The following SPECC1L variants were observed in gnomAD, a reference collection of about 807,000 sequenced individuals.
SPECC1L encodes the protein cytospin-A.
A neutral mutation model predicts 116.8 loss-of-function variants in SPECC1L; 40 were observed. The observed-to-expected ratio is 0.34, with a 90% CI of 0.27 to 0.45. The LOEUF is 0.45. Among genes scored for constraint, SPECC1L ranks in the 20% least tolerant of loss-of-function variants. SPECC1L has a pLI of 1.00. For synonymous variants in SPECC1L, 504 were observed against 500.6 expected, an observed-to-expected ratio of 1.01 and a Z score of -0.09; for missense variants, 1,110 against 1,373.6, an observed-to-expected ratio of 0.81 and a Z score of 3.03.
At chr22:24,353,349 G>C (rs1245078539) in intron 11 of SPECC1L, among the ~76,000 whole-genome samples, 2 of 152,202 alleles carry the variant, frequency 1.3e-5, no homozygotes, top group African/African-American at 2.4e-5. Context: ...AAGAATACTT[G>C]TCAGTTATTT....
intron 2 of SPECC1L, 38 bp from the exon 3 acceptor site, chr22:24,302,157 A>G (rs2049394139): frequency 6.8e-7 from 1 of 1,470,522 alleles, no homozygotes; most frequent in East Asian, 2.3e-5. Context: ...GCTTCCTTCC[A>G]GTTATGTTCT....
At chr22:24,272,146 C>G (rs954722434) in intron 1 of SPECC1L, among the ~76,000 whole-genome samples, 9 of 152,168 alleles carry the variant, frequency 5.9e-5, no homozygotes, top group Admixed American at 5.2e-4. Context: ...TTTGGGAGGC[C>G]GGGGCGGGCG....
chr22:24,283,948 C>G (rs535509725), intron 2 of SPECC1L, among the ~76,000 whole-genome samples: 1 of 152,214 alleles, frequency 6.6e-6, no homozygotes, highest in East Asian at 1.9e-4. Flanking sequence ...GTGTTGTTAC[C>G]CTTTCCATTC....
intron 13 of SPECC1L, among the ~76,000 whole-genome samples, chr22:24,366,256 G>A (rs1031745020): frequency 5.3e-5 from 8 of 151,864 alleles, no homozygotes; most frequent in Admixed American, 5.2e-4. Context: ...GCAGTGGCGC[G>A]ATCTCGGCTC....
At chr22:24,334,376 T>G (rs1281664448) in intron 8 of SPECC1L, 34 bp from the exon 9 acceptor site, 1 of 1,611,114 alleles carries the variant, frequency 6.2e-7, no homozygotes, top group Non-Finnish European at 8.5e-7. Flanking sequence ...CTAGTACCTA[T>G]GTAAAAATGC....
intron 14 of SPECC1L, among the ~76,000 whole-genome samples, chr22:24,397,409 C>T (rs954759757): frequency 6.6e-6 from 1 of 152,172 alleles, no homozygotes; most frequent in African/African-American, 2.4e-5. Context: ...AGACTAAATG[C>T]ACTGCCTGTG....
At chr22:24,339,991 C>G (rs2041139565) in intron 10 of SPECC1L, among the ~76,000 whole-genome samples, 1 of 152,044 alleles carries the variant, frequency 6.6e-6, no homozygotes, top group African/African-American at 2.4e-5. Flanking sequence ...TGCCACGTTG[C>G]CCAGGCTGGT....
rs1056492274 is a variant in SPECC1L, at chr22:24,416,280, G to C, written c.*1657G>C. On this transcript the variant is annotated 3_prime_UTR_variant, in exon 17 of 17. Coordinates refer to ENST00000314328, the MANE Select transcript of SPECC1L (RefSeq NM_015330.6). ...AGATGTCAGCCTGGGAGCTCAGGCT[G>C]CTGCCGCTGGCTGGATGCCCTTTGG... 1 of 152,262 alleles carries C rather than the reference G, an allele frequency of 6.6e-6. No homozygotes were observed. Among genetic ancestry groups the C allele is most frequent in the Admixed American group, 6.5e-5 (1 of 15,290 alleles). 9.4% of individuals were successfully genotyped at this position (152,262 alleles called of 1,614,324 possible).
At chr22:24,347,642 CTT>C (rs1423498384) in intron 11 of SPECC1L, among the ~76,000 whole-genome samples, 2 of 152,054 alleles carry the variant, frequency 1.3e-5, no homozygotes, top group African/African-American at 2.4e-5. Flanking sequence ...GTCAGCAACT[CTT>C]TGGAGCCCTT....
chr22:24,369,117 C>T (rs912122882), intron 13 of SPECC1L, 101 bp from the exon 14 acceptor site: 11 of 809,478 alleles, frequency 1.4e-5, no homozygotes, highest in Middle Eastern at 2.5e-4. Context: ...TATTGCCTTA[C>T]CATGTATATT....
intron 1 of SPECC1L, among the ~76,000 whole-genome samples, chr22:24,271,802 G>A (rs1303678546): frequency 6.6e-6 from 1 of 152,200 alleles, no homozygotes; most frequent in African/African-American, 2.4e-5. Flanking sequence ...CCAGAAGGGC[G>A]AGGAAAAGAT....
rs757857390 is a variant in SPECC1L, at chr22:24,302,353, T to C, written c.122T>C (p.Val41Ala). Residue 41 changes from valine to alanine, a missense_variant, in exon 3 of 17, where the codon GTA becomes GCA. By Grantham distance (64) the Val-to-Ala change is moderately conservative (BLOSUM62 0). This residue lies in a region of SPECC1L where 437 missense variants were observed against 482.6 expected (regional missense o/e 0.91). Transcript: ENST00000314328. ...TCAGCATCTACGGGAGGCAAACTTG[T>C]AAAACCTGGAACAGCAGCATCATTG... ...SSSASTGGKL[V>A]KPGTAASLSK... 1 of 1,614,178 alleles carries C rather than the reference T, an allele frequency of 6.2e-7. No homozygotes were observed. The highest frequency in any genetic ancestry group is 8.5e-7 in the Non-Finnish European group (1 of 1,180,044).
chr22:24,371,929 C>G (rs1428500281), intron 14 of SPECC1L, among the ~76,000 whole-genome samples: 1 of 152,192 alleles, frequency 6.6e-6, no homozygotes, highest in Admixed American at 6.5e-5. Context: ...CCATGTTGGC[C>G]AGGCTGGTCT....
chr22:24,382,729 G>A (rs1430430664), intron 14 of SPECC1L, among the ~76,000 whole-genome samples: 2 of 131,250 alleles, frequency 1.5e-5, no homozygotes. Context: ...AAAAAAAAGA[G>A]TAATGAACTC....
chr22:24,380,940 A>AT (rs1339420813), intron 14 of SPECC1L, among the ~76,000 whole-genome samples: 1 of 152,196 alleles, frequency 6.6e-6, no homozygotes. Flanking sequence ...GCTAACTCTA[A>AT]TAATTTTTAA....
At chr22:24,271,451 C>G (rs2048725463) in intron 1 of SPECC1L, among the ~76,000 whole-genome samples, 1 of 152,278 alleles carries the variant, frequency 6.6e-6, no homozygotes. Context: ...GCGGCGGACC[C>G]CGGGCCTGCT....
At chr22:24,387,829 G>C (rs375568891) in intron 14 of SPECC1L, among the ~76,000 whole-genome samples, 4 of 152,260 alleles carry the variant, frequency 2.6e-5, no homozygotes, top group Admixed American at 2.6e-4. Flanking sequence ...CTAAAATCAA[G>C]GTGTCAGCAG....
At chr22:24,364,473 G>A (rs555261091) in intron 12 of SPECC1L, among the ~76,000 whole-genome samples, 33 of 151,972 alleles carry the variant, frequency 2.2e-4, no homozygotes, top group Non-Finnish European at 4.4e-4. Context: ...GACCAGCCTG[G>A]CCAACATGGC....
intron 3 of SPECC1L, among the ~76,000 whole-genome samples, chr22:24,306,857 C>G (rs928275317): frequency 6.6e-6 from 1 of 152,188 alleles, no homozygotes; most frequent in African/African-American, 2.4e-5. Flanking sequence ...CTTTCTGTCT[C>G]TATGAATTTC....
Sources: allele counts gnomAD v4.1 joint callset (sites outside exome capture counted in the v4.1 genomes callset), GRCh38; gene constraint gnomAD v4.1.1; regional missense constraint gnomAD v4.1.1; transcripts MANE v1.5; gene names NCBI Gene and HGNC (gene_info 2026-07-23, HGNC 2026-07-21).